SRGAP3: variants seen among roughly 807,000 people sequenced by gnomAD.
The protein encoded by SRGAP3 is SLIT-ROBO Rho GTPase activating protein 3.
A neutral mutation model predicts 121.1 loss-of-function variants in SRGAP3; 39 were observed. That is an observed-to-expected ratio of 0.32 (90% CI 0.25 to 0.42). The LOEUF is 0.42. SRGAP3 is among the 10% of genes least tolerant of loss of function. SRGAP3 has a pLI of 1.00. For synonymous variants in SRGAP3, 601 were observed against 570.0 expected, an observed-to-expected ratio of 1.05 and a Z score of -0.77; for missense variants, 1,213 against 1,470.6, an observed-to-expected ratio of 0.82 and a Z score of 2.86.
At chr3:8,998,392 C>T (rs1942543510) in intron 18 of SRGAP3, among the ~76,000 whole-genome samples, 1 of 152,150 alleles carries the variant, frequency 6.6e-6, no homozygotes, top group Admixed American at 6.5e-5. Context: ...AAGGCCTTTC[C>T]CAGCCGCTCC....
At chr3:9,327,295 T>C (rs1955536724) in intron 2 of SRGAP3, among the ~76,000 whole-genome samples, 2 of 152,014 alleles carry the variant, frequency 1.3e-5, no homozygotes, top group Admixed American at 6.5e-5. Flanking sequence ...AACACCATTT[T>C]AACTTTAGCC....
chr3:9,037,160 AAAAG>A (rs999165942), intron 11 of SRGAP3: 41 of 152,342 alleles, frequency 2.7e-4, no homozygotes, highest in African/African-American at 9.1e-4. Flanking sequence ...CATTTGTGGG[AAAAG>A]AAAGAATGCC....
chr3:9,092,106 C>T (rs1168936342), intron 3 of SRGAP3, among the ~76,000 whole-genome samples: 2 of 152,026 alleles, frequency 1.3e-5, no homozygotes, highest in Non-Finnish European at 1.5e-5. Flanking sequence ...GAGTCTAGCA[C>T]CGTGGCCAGC....
intron 3 of SRGAP3, among the ~76,000 whole-genome samples, chr3:9,285,425 T>G (rs1316161176): frequency 6.6e-6 from 1 of 152,136 alleles, no homozygotes; most frequent in Admixed American, 6.6e-5. Context: ...CATAAAAGAA[T>G]TCTCCAACCT....
intron 1 of SRGAP3, among the ~76,000 whole-genome samples, chr3:9,156,125 CT>C (rs1950409070): frequency 6.6e-6 from 1 of 152,150 alleles, no homozygotes; most frequent in African/African-American, 2.4e-5. Context: ...AATGCTATTC[CT>C]TTCTTCAGCC....
chr3:9,333,334 G>A (rs1955640461), intron 1 of SRGAP3, among the ~76,000 whole-genome samples: 1 of 151,982 alleles, frequency 6.6e-6, no homozygotes, highest in Non-Finnish European at 1.5e-5. Flanking sequence ...GATATCTTAG[G>A]GCTCCTTCAC....
Position 9,348,792 on chromosome 3 carries a change from C to G in SRGAP3, n.214+14048G>C, listed in dbSNP as rs1306700209. ...GCCCAGGTGAAGATCTGGAGGCACTCCTATGATGTCCCACCACCTCTAATG... is the reference window on the plus strand; with the variant it reads ...GCCCAGGTGAAGATCTGGAGGCACTGCTATGATGTCCCACCACCTCTAATG... On this transcript the variant is annotated intron_variant and non_coding_transcript_variant, in intron 1 of 3. Coordinates refer to the SRGAP3 transcript ENST00000490889. 2.1e-5 allele frequency: 29 copies of G among 1,367,634 alleles called. No individual in the cohort carries two copies. The East Asian group carries it at 6.6e-4, about 31-fold the overall frequency. 84.7% of individuals were successfully genotyped at this position (1,367,634 alleles called of 1,614,324 possible).
At chr3:9,121,349 C>T (rs532227906) in intron 2 of SRGAP3, among the ~76,000 whole-genome samples, 35 of 152,328 alleles carry the variant, frequency 2.3e-4, no homozygotes, top group South Asian at 2.1e-3. Flanking sequence ...CAAGGCTTCT[C>T]GGAACAGCCC....
At chr3:9,093,303 G>C (rs1947830752) in intron 3 of SRGAP3, among the ~76,000 whole-genome samples, 1 of 152,160 alleles carries the variant, frequency 6.6e-6, no homozygotes, top group South Asian at 2.1e-4. Context: ...GGATGTAAAT[G>C]AGGTTTGCAT....
chr3:9,044,298 T>G (rs1945152549), intron 10 of SRGAP3, among the ~76,000 whole-genome samples: 1 of 152,186 alleles, frequency 6.6e-6, no homozygotes, highest in African/African-American at 2.4e-5. Flanking sequence ...AAATCCTACA[T>G]GTCCTCTGTT....
rs145079980 is a variant in SRGAP3 at position 9,317,655 on chromosome 3, G to A, written n.442+8355C>T. ...GAGAGTGTAAGAAGAGAAAACAGAA[G>A]TGATGTAGAAGGGAGGTTCTCAAAC... On this transcript the variant is annotated intron_variant and non_coding_transcript_variant, in intron 3 of 3. Transcript: ENST00000490889. Among the ~76,000 whole-genome samples the A allele has an allele frequency of 2.4e-4, 37 of 152,356 alleles. No homozygotes were observed. In the East Asian group the frequency reaches 5.0e-3, roughly 21 times the overall value.
intron 14 of SRGAP3, among the ~76,000 whole-genome samples, chr3:9,020,753 C>T (rs910243830): frequency 6.6e-6 from 1 of 152,190 alleles, no homozygotes; most frequent in African/African-American, 2.4e-5. Flanking sequence ...AATGGAATCC[C>T]AGAGCTGGAG....
Position 9,245,794 on chromosome 3 carries a change from C to T in SRGAP3, c.67+3091G>A, listed in dbSNP as rs145476990. ...CAAAAATTGGCCACATGTGGTGGCA[C>T]GTGCCTGTAATGCCAGCTACTCGGG... is the stretch of plus-strand genomic sequence containing the variant. On this transcript the variant is annotated intron_variant, in intron 1 of 21. Transcript: ENST00000383836. Among the ~76,000 whole-genome samples, 139 of 152,170 alleles carry T rather than the reference C, an allele frequency of 9.1e-4. 1 individual carries two copies. Among genetic ancestry groups the T allele is most frequent in the East Asian group, 4.8e-3 (25 of 5,166 alleles).
rs1943299083 is a variant in SRGAP3 at position 9,010,322 on chromosome 3, T to A, written c.2213A>T (p.His738Leu). 1 of 1,614,034 alleles carries A rather than the reference T, an allele frequency of 6.2e-7. No individual in the cohort carries two copies. The highest frequency in any genetic ancestry group is 8.5e-7 in the Non-Finnish European group (1 of 1,180,012). ...CCCTCACTCACCTTCATCGCTGGTA[T>A]GAGGCTCAGTGCCATTGTCATGGTC... ...EVDHDNGTEPHTSDEEVEQIE... is the reference protein window; with the variant it reads ...EVDHDNGTEPLTSDEEVEQIE... Residue 738 changes from histidine (H) to leucine (L), a missense_variant, in exon 18 of 22, where the codon CAT becomes CTT. Physicochemically the swap from His to Leu is moderately conservative, Grantham distance 99. Around this residue, in one of 2 missense-constraint regions of SRGAP3, gnomAD observed 793 missense variants for 1,032.9 expected, o/e 0.77. Coordinates refer to ENST00000383836, the MANE Select transcript of SRGAP3 (RefSeq NM_014850.4).
At chr3:9,326,174 T>A (rs1242790813) in intron 2 of SRGAP3, 2 of 151,962 alleles carry the variant, frequency 1.3e-5, no homozygotes, top group African/African-American at 2.4e-5. Context: ...GGGTTCTAGA[T>A]TGTAAAGGGA....
chr3:9,176,471 T>C (rs1000386767), intron 1 of SRGAP3, among the ~76,000 whole-genome samples: 8 of 152,194 alleles, frequency 5.3e-5, no homozygotes, highest in East Asian at 3.8e-4. Flanking sequence ...GTTCCTCAGA[T>C]TTATTTGACC....
chr3:9,040,796 C>T (rs192639003), intron 10 of SRGAP3, among the ~76,000 whole-genome samples: 2 of 152,268 alleles, frequency 1.3e-5, no homozygotes, highest in Admixed American at 6.5e-5. Context: ...AAAGCACACA[C>T]TTGTCTCTTT....
chr3:9,170,162 T>C (rs1240350892), intron 1 of SRGAP3, among the ~76,000 whole-genome samples: 1 of 152,124 alleles, frequency 6.6e-6, no homozygotes, highest in Non-Finnish European at 1.5e-5. Flanking sequence ...GTGTGTGGGA[T>C]GTGTGGGTGA....
At chr3:9,158,033 T>A (rs1402985117) in intron 1 of SRGAP3, among the ~76,000 whole-genome samples, 3 of 152,208 alleles carry the variant, frequency 2.0e-5, no homozygotes, top group African/African-American at 7.2e-5. Flanking sequence ...CCAGGTATTA[T>A]CAAGAAGTAC....
Sources: allele counts gnomAD v4.1 joint callset (sites outside exome capture counted in the v4.1 genomes callset), GRCh38; gene constraint gnomAD v4.1.1; regional missense constraint gnomAD v4.1.1; transcripts MANE v1.5; gene names NCBI Gene and HGNC (gene_info 2026-07-23, HGNC 2026-07-21).